The following WASF2 variants were observed in gnomAD, a reference collection of about 807,000 sequenced individuals.
WASF2 encodes the protein actin-binding protein WASF2.
WASF2 carries 14 observed loss-of-function variants against 45.0 expected under a neutral mutation model. That is an observed-to-expected ratio of 0.31 (90% CI 0.21 to 0.49). The LOEUF (loss-of-function observed/expected upper bound fraction) is 0.49. Among genes scored for constraint, WASF2 ranks in the 20% least tolerant of loss-of-function variants. The pLI is 0.99. For synonymous variants in WASF2, 200 were observed against 236.3 expected (o/e 0.85, Z 1.41); for missense variants, 439 against 636.1 (o/e 0.69, Z 3.33).
At chr1:27,482,727 T>G (rs1418337611) in intron 1 of WASF2, among the ~76,000 whole-genome samples, 1 of 152,200 alleles carries the variant, frequency 6.6e-6, no homozygotes, top group Non-Finnish European at 1.5e-5. Flanking sequence ...CCTCCTGATT[T>G]TTCTCATTTT....
intron 1 of WASF2, among the ~76,000 whole-genome samples, chr1:27,458,241 C>T (rs1042699490): frequency 2.3e-5 from 3 of 128,614 alleles, no homozygotes; most frequent in Non-Finnish European, 4.7e-5. Flanking sequence ...TAAACTCGGG[C>T]GGCGGAGGTT....
chr1:27,452,633 A>G (rs983519165), intron 1 of WASF2, among the ~76,000 whole-genome samples: 2 of 151,430 alleles, frequency 1.3e-5, no homozygotes, highest in Non-Finnish European at 2.9e-5. Flanking sequence ...CCTGGCCAAC[A>G]TGGTGAAACC....
chr1:27,446,956 G>A (rs1021866719), intron 1 of WASF2, among the ~76,000 whole-genome samples: 2 of 151,920 alleles, frequency 1.3e-5, no homozygotes, highest in African/African-American at 4.8e-5. Flanking sequence ...TTCCCTCAGT[G>A]GCCTTCTGGT....
intron 7 of WASF2, among the ~76,000 whole-genome samples, chr1:27,412,258 G>T (rs1463792580): frequency 6.6e-6 from 1 of 152,198 alleles, no homozygotes; most frequent in East Asian, 1.9e-4. Context: ...TCAGGCTAGA[G>T]TGCAGTGGCA....
intron 1 of WASF2, among the ~76,000 whole-genome samples, chr1:27,485,974 T>A (rs1219265411): frequency 6.6e-6 from 1 of 152,152 alleles, no homozygotes; most frequent in African/African-American, 2.4e-5. Context: ...CCTCCCAGAG[T>A]GCTGGGATTA....
intron 2 of WASF2, among the ~76,000 whole-genome samples, chr1:27,428,372 A>G (rs1387592169): frequency 6.6e-6 from 1 of 152,228 alleles, no homozygotes; most frequent in Non-Finnish European, 1.5e-5. Context: ...GTCAGGCTAC[A>G]TCGAACAGCT....
At chr1:27,448,858 AAAG>A (rs2017344478) in intron 1 of WASF2, among the ~76,000 whole-genome samples, 1 of 151,796 alleles carries the variant, frequency 6.6e-6, no homozygotes, top group Non-Finnish European at 1.5e-5. Flanking sequence ...AAAAAAAAAA[AAAG>A]GTCATCCACA....
rs771775940 is a variant in WASF2 at position 27,414,832 on chromosome 1, C to T, written c.668+1G>A. The T allele has an allele frequency of 1.2e-6, 2 of 1,614,170 alleles. No homozygotes were observed. Among genetic ancestry groups the T allele is most frequent in the Non-Finnish European group, 8.5e-7 (1 of 1,180,022 alleles). On this transcript the variant is annotated splice_donor_variant, in intron 6 of 8. Transcript: ENST00000618852. LOFTEE classifies it high-confidence loss of function. This position sits in a 1 kb window ranked among gnomAD's most constrained non-coding sequence, Gnocchi z 4.1. The stretch of plus-strand genomic sequence containing the variant: ...ACCAACAGTACAAAGGCATTACCTA[C>T]CCAGAAGTCCCCAGCTTTTCTTTGG...
At chr1:27,487,466 A>G (rs1378229475) in intron 1 of WASF2, among the ~76,000 whole-genome samples, 3 of 119,958 alleles carry the variant, frequency 2.5e-5, no homozygotes, top group Non-Finnish European at 4.9e-5. Context: ...TATTTATATA[A>G]ATATATTTTA....
intron 1 of WASF2, among the ~76,000 whole-genome samples, chr1:27,447,281 T>C (rs1354734898): frequency 6.6e-6 from 1 of 152,202 alleles, no homozygotes; most frequent in Non-Finnish European, 1.5e-5. Context: ...CAATGGGCCA[T>C]GTTTGTACAG....
At chr1:27,481,387 C>A (rs920749782) in intron 1 of WASF2, among the ~76,000 whole-genome samples, 11 of 152,032 alleles carry the variant, frequency 7.2e-5, no homozygotes, top group African/African-American at 2.7e-4. Flanking sequence ...TCTCAAAAAG[C>A]CTTCTGTATT....
intron 1 of WASF2, among the ~76,000 whole-genome samples, chr1:27,440,337 A>G (rs2017192845): frequency 6.6e-6 from 1 of 152,186 alleles, no homozygotes; most frequent in Non-Finnish European, 1.5e-5. Context: ...CAGTCTAGGC[A>G]ATGTGGAGAA....
intron 1 of WASF2, among the ~76,000 whole-genome samples, chr1:27,431,876 C>T (rs1475951545): frequency 1.3e-5 from 2 of 152,192 alleles, no homozygotes; most frequent in Non-Finnish European, 2.9e-5. Context: ...GGCCACTTAC[C>T]ACAACCAGCG....
chr1:27,442,731 G>C (rs1246283398), intron 1 of WASF2, among the ~76,000 whole-genome samples: 5 of 151,552 alleles, frequency 3.3e-5, no homozygotes, highest in African/African-American at 1.2e-4. Context: ...GGCCGGGCGT[G>C]GTGGCTCATA....
At chr1:27,435,397 C>CA (rs1287160570) in intron 1 of WASF2, among the ~76,000 whole-genome samples, 3 of 151,842 alleles carry the variant, frequency 2.0e-5, no homozygotes, top group Admixed American at 6.6e-5. Context: ...CCAGCTTGGG[C>CA]AAAAAAGCCA....
chr1:27,437,717 T>A (rs1220357938), intron 1 of WASF2, among the ~76,000 whole-genome samples: 1 of 152,224 alleles, frequency 6.6e-6, no homozygotes, highest in Non-Finnish European at 1.5e-5. Context: ...GCTTTTACTT[T>A]GATTGGATAA....
At chr1:27,473,840 G>GC (rs2017727865) in intron 1 of WASF2, among the ~76,000 whole-genome samples, 1 of 152,208 alleles carries the variant, frequency 6.6e-6, no homozygotes, top group South Asian at 2.1e-4. Context: ...GTCATGGGTG[G>GC]CCGGAGCCTG....
chr1:27,461,803 C>T (rs1333317726), intron 1 of WASF2, among the ~76,000 whole-genome samples: 3 of 150,974 alleles, frequency 2.0e-5, no homozygotes, highest in African/African-American at 7.3e-5. Context: ...GCTGGGACTA[C>T]AGGTACACAC....
At chr1:27,426,137 C>T (rs559154060) in intron 2 of WASF2, among the ~76,000 whole-genome samples, 171 of 152,134 alleles carry the variant, frequency 1.1e-3, no homozygotes, top group Non-Finnish European at 2.2e-3. Context: ...TTAAATAATT[C>T]CACAGTGAGG....
Sources: allele counts gnomAD v4.1 joint callset (sites outside exome capture counted in the v4.1 genomes callset), GRCh38; gene constraint gnomAD v4.1.1; non-coding constraint Gnocchi (gnomAD v3.1); transcripts MANE v1.5; gene names NCBI Gene and HGNC (gene_info 2026-07-23, HGNC 2026-07-21).